The following PSMC2 variants were observed in gnomAD, a reference collection of about 807,000 sequenced individuals.
PSMC2 encodes 26S proteasome regulatory subunit 7.
In PSMC2, 7 loss-of-function variants were observed where a neutral mutation model predicts 53.3. The observed-to-expected ratio is 0.13, with a 90% confidence interval of 0.07 to 0.25. The LOEUF is 0.25. Among genes scored for constraint, PSMC2 ranks in the 10% least tolerant of loss-of-function variants. The pLI, the probability that PSMC2 is intolerant of heterozygous loss-of-function variation, is 1.00. For missense variants in PSMC2, 241 were observed against 544.0 expected (o/e 0.44, Z 5.54); for synonymous variants, 169 against 183.9 (o/e 0.92, Z 0.66).
Position 103,367,336 on chromosome 7 carries a change from T to A in PSMC2, c.845-77T>A. The A allele has an allele frequency of 7.2e-7, 1 of 1,396,770 alleles. No individual in the cohort carries two copies. The highest frequency in any genetic ancestry group is 1.0e-6 in the Non-Finnish European group (1 of 992,520). The allele number at this position is 1,396,770 out of a possible 1,614,324, so 86.5% of individuals were successfully genotyped here. A position where few individuals can be genotyped will look rare whatever the true frequency, so the allele number is the denominator to read the frequency against. ...CTGAGGACATGATTTGAGCTGAGAT[T>A]TTTGGTACTTTCAGGTCATGCATAG... On this transcript the variant is annotated intron_variant, in intron 9 of 11. Coordinates refer to ENST00000292644, the MANE Select transcript of PSMC2 (RefSeq NM_002803.4). This position sits in a 1 kb window ranked among gnomAD's most constrained non-coding sequence, Gnocchi z 6.1.
intron 2 of PSMC2, among the ~76,000 whole-genome samples, chr7:103,354,623 G>A (rs762454776): frequency 2.0e-5 from 3 of 151,952 alleles, no homozygotes; most frequent in Non-Finnish European, 4.4e-5. Flanking sequence ...ACCCGCCTCC[G>A]CCCCCTAAAG....
intron 4 of PSMC2, among the ~76,000 whole-genome samples, chr7:103,360,522 T>C (rs1449368250): frequency 6.6e-6 from 1 of 152,206 alleles, no homozygotes; most frequent in Non-Finnish European, 1.5e-5. Context: ...GCCTCCTCAG[T>C]AGCTGGGACT....
At chr7:103,362,259 C>A in intron 5 of PSMC2, 171 bp downstream of exon 5, 3 of 1,420,512 alleles carry the variant, frequency 2.1e-6, no homozygotes, top group Non-Finnish European at 2.7e-6. Context: ...TTCCTAACTT[C>A]CCATCGGCTT....
At chr7:103,347,882 T>C in intron 1 of PSMC2, 101 bp downstream of exon 1, 1 of 1,335,886 alleles carries the variant, frequency 7.5e-7, no homozygotes, top group East Asian at 2.4e-5. Context: ...CTCTGTGCTC[T>C]GGCCCTTTTG....
At chr7:103,362,951 G>C (rs1038986646) in intron 6 of PSMC2, among the ~76,000 whole-genome samples, 193 bp downstream of exon 6, 2 of 151,866 alleles carry the variant, frequency 1.3e-5, no homozygotes, top group African/African-American at 4.8e-5. Flanking sequence ...CCGCCACCAC[G>C]CCCAGCTAAT....
chr7:103,359,304 T>C (rs1820239061), intron 4 of PSMC2, among the ~76,000 whole-genome samples: 1 of 151,952 alleles, frequency 6.6e-6, no homozygotes, highest in Non-Finnish European at 1.5e-5. Context: ...AGCCAGCTTA[T>C]GAATTTTTTT....
chr7:103,347,604 G>A (rs1819630418), upstream of PSMC2: 1 of 1,336,062 alleles, frequency 7.5e-7, no homozygotes, highest in African/African-American at 1.4e-5. Flanking sequence ...AAAGGGGTCT[G>A]TCTGAGCCCA....
In PSMC2 at chr7:103,363,332, TC is replaced by T. The variant is rs1820521840; in HGVS notation, c.496-9del. 1 of 1,596,744 alleles carries T rather than the reference TC, an allele frequency of 6.3e-7. No individual in the cohort carries two copies. The highest frequency in any genetic ancestry group is 1.1e-5 in the South Asian group (1 of 90,712). Reference sequence around the variant, plus strand: ...TGTGACTGTATGTTGTACATTTCTGTCCCTCTCTTAGGTGGAAGAGAAACCT... The same window carrying T: ...TGTGACTGTATGTTGTACATTTCTGTCCTCTCTTAGGTGGAAGAGAAACCT... On this transcript the variant is annotated splice_polypyrimidine_tract_variant and intron_variant, in intron 6 of 11. Coordinates refer to ENST00000292644, the MANE Select transcript of PSMC2 (RefSeq NM_002803.4).
intron 4 of PSMC2, 129 bp from the exon 5 acceptor site, chr7:103,361,828 A>C: frequency 4.6e-6 from 4 of 868,998 alleles, no homozygotes; most frequent in Non-Finnish European, 3.3e-6. Context: ...AAGGATCTTT[A>C]ACAGTGTCCC....
intron 1 of PSMC2, among the ~76,000 whole-genome samples, chr7:103,351,976 A>G (rs1274907988): frequency 6.6e-6 from 1 of 151,256 alleles, no homozygotes. Context: ...GAGTGGCCTC[A>G]CTCCAATTTG....
intron 1 of PSMC2, 107 bp downstream of exon 1, chr7:103,347,888 T>C (rs1819639587): frequency 1.4e-5 from 17 of 1,243,794 alleles, no homozygotes; most frequent in Middle Eastern, 2.6e-4. Flanking sequence ...GCTCTGGCCC[T>C]TTTGTGCCCC....
At chr7:103,360,443 T>G (rs1456958255) in intron 4 of PSMC2, among the ~76,000 whole-genome samples, 1 of 152,156 alleles carries the variant, frequency 6.6e-6, no homozygotes, top group African/African-American at 2.4e-5. Context: ...CTTCACACAA[T>G]TATGCTATCA....
In PSMC2 at chr7:103,367,963, C is replaced by G. The variant is rs1160902952; in HGVS notation, c.1211C>G (p.Ala404Gly). The G allele has an allele frequency of 1.2e-6, 2 of 1,613,970 alleles. No individual in the cohort carries two copies. The highest frequency in any genetic ancestry group is 1.7e-6 in the Non-Finnish European group (2 of 1,180,028). The change falls in exon 12 of 12, where the codon GCT (alanine) becomes GGT (glycine). Residue 404 changes from alanine (A) to glycine (G), a missense_variant. Coordinates refer to ENST00000292644, the MANE Select transcript of PSMC2 (RefSeq NM_002803.4). The surrounding 1 kb of genome is among the most constrained non-coding windows in gnomAD (Gnocchi z 6.1). ...MFAIRARRKI[A>G]TEKDFLEAVN... ...GCCATCAGAGCACGGCGAAAAATTG[C>G]TACCGAGAAGGATTTCTTGGAAGCT...
intron 4 of PSMC2, among the ~76,000 whole-genome samples, chr7:103,360,830 G>A (rs1453492395): frequency 2.0e-5 from 3 of 152,198 alleles, no homozygotes; most frequent in Admixed American, 2.0e-4. Context: ...AGCTTCTACT[G>A]GCCGGGTGCA....
chr7:103,362,843 G>T, intron 6 of PSMC2, 85 bp downstream of exon 6: 1 of 1,070,866 alleles, frequency 9.3e-7, no homozygotes, highest in South Asian at 1.4e-5. Context: ...GTCCAGGCTG[G>T]AGTAGAATGG....
At chr7:103,362,353 A>G in intron 5 of PSMC2, 1 of 1,355,254 alleles carries the variant, frequency 7.4e-7, no homozygotes, top group African/African-American at 1.5e-5. Context: ...TTAAGGTAAC[A>G]TGGTATAGGT....
At position 103,359,138 on chromosome 7, in the gene PSMC2, C is replaced by CTTTTTTTTTTTTTTTTT. The variant is rs35936603; in HGVS notation, c.291-2803_291-2787dup. Among the ~76,000 whole-genome samples, 5 of 31,332 alleles carry CTTTTTTTTTTTTTTTTT rather than the reference C, an allele frequency of 1.6e-4. 1 individual carries two copies. The highest frequency in any genetic ancestry group is 1.7e-4 in the Non-Finnish European group (3 of 17,500). 20.6% of individuals were successfully genotyped at this position (31,332 alleles called of 152,430 possible). A position where few individuals can be genotyped will look rare whatever the true frequency, so the allele number is the denominator to read the frequency against. ...CAGGTGCATACCACCCCATGTCTGG[C>CTTTTTTTTTTTTTTTTT]TTTTTTTTTTTTTTTTTTTTTTTTT... On this transcript the variant is annotated intron_variant, in intron 4 of 11. Coordinates refer to ENST00000292644, the MANE Select transcript of PSMC2 (RefSeq NM_002803.4).
At position 103,364,796 on chromosome 7, in the gene PSMC2, C is replaced by T. The variant is rs1820603854; in HGVS notation, c.756+489C>T. 2.0e-5 allele frequency among the ~76,000 whole-genome samples: 3 copies of T among 151,968 alleles called. No individual in the cohort carries two copies. In the South Asian group the frequency reaches 6.2e-4, roughly 32 times the overall value. On this transcript the variant is annotated intron_variant, in intron 8 of 11. Coordinates refer to ENST00000292644, the MANE Select transcript of PSMC2 (RefSeq NM_002803.4). ...ATAGGCAACCACTTAAAATTTTAACCAGTATGCCCCCTCCTCAAAAGGGTG... is the reference window on the plus strand; with the variant it reads ...ATAGGCAACCACTTAAAATTTTAACTAGTATGCCCCCTCCTCAAAAGGGTG...
intron 5 of PSMC2, 142 bp downstream of exon 5, chr7:103,362,230 T>A: frequency 6.9e-7 from 1 of 1,449,752 alleles, no homozygotes; most frequent in Non-Finnish European, 9.0e-7. Flanking sequence ...TAGTTGAAAA[T>A]TCTGTCTTCT....
Sources: gnomAD v4.1 joint callset for allele counts (sites outside exome capture counted in the v4.1 genomes callset) on GRCh38, gnomAD v4.1.1 for gene constraint, Gnocchi (gnomAD v3.1) non-coding constraint, MANE v1.5 for transcripts, NCBI Gene and HGNC (gene_info 2026-07-23, HGNC 2026-07-21) for gene names.